Variants in MYO10 observed in about 807,000 individuals in gnomAD.
MYO10 encodes the protein unconventional myosin-X.
A neutral mutation model predicts 257.3 loss-of-function variants in MYO10; 133 were observed. The ratio of observed to expected loss-of-function variants is 0.52; its 90% CI spans 0.45 to 0.60. The LOEUF (loss-of-function observed/expected upper bound fraction) is 0.60. Among genes scored for constraint, MYO10 ranks in the 20% least tolerant of loss-of-function variants. The pLI, the probability that MYO10 is intolerant of heterozygous loss-of-function variation, is 0.00. For missense variants in MYO10, 2,399 were observed against 2,635.7 expected (o/e 0.91, Z 1.97); for synonymous variants, 1,104 against 1,028.6 (o/e 1.07, Z -1.40).
chr5:16,874,288 C>T (rs1404683520), intron 2 of MYO10, among the ~76,000 whole-genome samples: 19 of 139,324 alleles, frequency 1.4e-4, no homozygotes, highest in African/African-American at 3.5e-4. Context: ...GAGCCGAGAT[C>T]GCGCCACTGC....
chr5:16,717,784 C>T (rs1021809312), intron 19 of MYO10, among the ~76,000 whole-genome samples: 5 of 152,224 alleles, frequency 3.3e-5, no homozygotes, highest in East Asian at 1.9e-4. Context: ...GGTGACAGCA[C>T]ACTGGCAGTC....
intron 18 of MYO10, among the ~76,000 whole-genome samples, chr5:16,756,063 A>T (rs1163611096): frequency 2.0e-5 from 3 of 152,118 alleles, no homozygotes; most frequent in Non-Finnish European, 4.4e-5. Flanking sequence ...TATGATTTTT[A>T]AAAATTTTAT....
At chr5:16,784,265 C>T (rs966574329) in intron 4 of MYO10, among the ~76,000 whole-genome samples, 8 of 152,150 alleles carry the variant, frequency 5.3e-5, no homozygotes, top group East Asian at 1.9e-4. Context: ...TGGGCTGAGA[C>T]GAAAGGCGGC....
chr5:16,899,134 CAAAAA>C (rs60168960), intron 1 of MYO10, among the ~76,000 whole-genome samples: 1 of 103,358 alleles, frequency 9.7e-6, no homozygotes. Flanking sequence ...GACTCTGTCT[CAAAAA>C]AAAAAAAAAA....
chr5:16,768,602 A>G (rs752244897), intron 10 of MYO10, among the ~76,000 whole-genome samples: 17 of 150,838 alleles, frequency 1.1e-4, no homozygotes, highest in African/African-American at 3.7e-4. Flanking sequence ...CCGACGCTTC[A>G]TATCTGACAC....
At chr5:16,719,051 G>A (rs1739030520) in intron 19 of MYO10, among the ~76,000 whole-genome samples, 1 of 150,530 alleles carries the variant, frequency 6.6e-6, no homozygotes, top group African/African-American at 2.4e-5. Context: ...CACTGTGGAA[G>A]CTTTGTTCTT....
intron 19 of MYO10, among the ~76,000 whole-genome samples, chr5:16,743,121 A>G (rs529294728): frequency 6.6e-6 from 1 of 152,270 alleles, no homozygotes; most frequent in South Asian, 2.1e-4. Flanking sequence ...ACTCCACCAC[A>G]AAACAAAACA....
chr5:16,847,805 G>A (rs932576370), intron 2 of MYO10, among the ~76,000 whole-genome samples: 1 of 152,160 alleles, frequency 6.6e-6, no homozygotes, highest in South Asian at 2.1e-4. Context: ...AGGACTGCTT[G>A]AGCCCAGGAG....
chr5:16,818,404 G>T (rs953981622), intron 2 of MYO10, among the ~76,000 whole-genome samples: 28 of 119,538 alleles, frequency 2.3e-4, no homozygotes, highest in African/African-American at 7.7e-4. Context: ...GTGTGTGTGT[G>T]TGTGTGTATA....
intron 9 of MYO10, among the ~76,000 whole-genome samples, chr5:16,776,936 G>A (rs563738852): frequency 8.8e-4 from 134 of 152,060 alleles, no homozygotes; most frequent in South Asian, 2.7e-3. Context: ...ATTATTGTTC[G>A]TTACTTCAAG....
intron 1 of MYO10, chr5:16,902,681 T>G: frequency 1.9e-6 from 2 of 1,047,344 alleles, no homozygotes; most frequent in Non-Finnish European, 2.9e-6. Flanking sequence ...GCTAATTTTT[T>G]GTATTTTTAG....
At chr5:16,674,009 A>T in intron 35 of MYO10, 120 bp from the exon 36 acceptor site, 1 of 788,144 alleles carries the variant, frequency 1.3e-6, no homozygotes, top group Non-Finnish European at 2.1e-6. Context: ...TGGTGAATGG[A>T]GCAAGCACCA....
intron 18 of MYO10, 35 bp downstream of exon 18, chr5:16,758,083 C>G (rs753977566): frequency 1.2e-5 from 17 of 1,445,892 alleles, no homozygotes; most frequent in Non-Finnish European, 1.5e-5. Flanking sequence ...AATACAGTAA[C>G]GACGGATTCC....
chr5:16,712,782 A>G (rs1158181575), intron 19 of MYO10, among the ~76,000 whole-genome samples: 1 of 152,264 alleles, frequency 6.6e-6, no homozygotes, highest in African/African-American at 2.4e-5. Flanking sequence ...TTTATTTAGC[A>G]GTATTCCAAA....
chr5:16,724,636 T>A (rs927375298), intron 19 of MYO10, among the ~76,000 whole-genome samples: 2 of 152,108 alleles, frequency 1.3e-5, no homozygotes, highest in Non-Finnish European at 2.9e-5. Context: ...CAAGACGTCA[T>A]GAAGTAACTC....
intron 3 of MYO10, chr5:16,815,171 AC>A (rs1742565840): frequency 2.6e-6 from 1 of 391,654 alleles, no homozygotes; most frequent in African/African-American, 2.1e-5. Context: ...ACAAAAAAAA[AC>A]AAACTTGTGT....
At chr5:16,699,861 T>C (rs1315615067) in intron 25 of MYO10, among the ~76,000 whole-genome samples, 3 of 147,716 alleles carry the variant, frequency 2.0e-5, no homozygotes, top group Non-Finnish European at 3.0e-5. Flanking sequence ...TGATTTACGG[T>C]AGCACACAAA....
chr5:16,906,506 T>C (rs1253423188), intron 1 of MYO10, among the ~76,000 whole-genome samples: 6 of 152,128 alleles, frequency 3.9e-5, no homozygotes, highest in African/African-American at 7.2e-5. Flanking sequence ...ACCACCACTC[T>C]AGAGAGAAGA....
chr5:16,762,193 C>T (rs1740736608), intron 15 of MYO10, 80 bp from the exon 16 acceptor site: 2 of 1,402,048 alleles, frequency 1.4e-6, no homozygotes, highest in African/African-American at 1.5e-5. Flanking sequence ...CCAGAGAACA[C>T]TAAATACAAA....
Sources: allele counts gnomAD v4.1 joint callset (sites outside exome capture counted in the v4.1 genomes callset), GRCh38; gene constraint gnomAD v4.1.1; transcripts MANE v1.5; gene names NCBI Gene and HGNC (gene_info 2026-07-23, HGNC 2026-07-21).